Variants in THOC5 observed in about 807,000 individuals in gnomAD.
THOC5 encodes the protein THO complex subunit 5.
Under a neutral mutation model 92.9 loss-of-function variants are expected in THOC5, and 43 were observed. That is an observed-to-expected ratio of 0.46 (90% CI 0.36 to 0.60). THOC5 has a LOEUF of 0.60. THOC5 is among the 20% of genes least tolerant of loss of function. The pLI is 0.00. For synonymous variants in THOC5, 296 were observed against 320.1 expected (o/e 0.92, Z 0.80); for missense variants, 659 against 849.4 (o/e 0.78, Z 2.79).
At chr22:29,514,534 T>C (rs1601384278) in intron 17 of THOC5, among the ~76,000 whole-genome samples, 1 of 151,288 alleles carries the variant, frequency 6.6e-6, no homozygotes, top group South Asian at 2.1e-4. Flanking sequence ...GCCAGGATGG[T>C]CTCCATCTCC....
chr22:29,524,097 C>T (rs2063497375), intron 12 of THOC5, among the ~76,000 whole-genome samples: 1 of 152,180 alleles, frequency 6.6e-6, no homozygotes, highest in South Asian at 2.1e-4. Flanking sequence ...AAGACCTAAT[C>T]CCAGTTTCAC....
At chr22:29,532,576 C>T (rs2063677357) in intron 7 of THOC5, among the ~76,000 whole-genome samples, 2 of 151,770 alleles carry the variant, frequency 1.3e-5, no homozygotes, top group Non-Finnish European at 2.9e-5. Flanking sequence ...GAGGCAGGAG[C>T]ATCACTTGAA....
chr22:29,524,811 T>C (rs901499183), intron 12 of THOC5, among the ~76,000 whole-genome samples: 1 of 151,920 alleles, frequency 6.6e-6, no homozygotes, highest in African/African-American at 2.4e-5. Flanking sequence ...CTGGCAGGGG[T>C]GGAAAGAGCC....
intron 7 of THOC5, 29 bp downstream of exon 7, chr22:29,536,595 A>C (rs747238894): frequency 1.4e-6 from 2 of 1,388,018 alleles, no homozygotes; most frequent in South Asian, 2.3e-5. Flanking sequence ...TCAGTGGTGA[A>C]GGCAAAGCAA....
intron 6 of THOC5, among the ~76,000 whole-genome samples, chr22:29,538,568 TGGGAGG>T (rs2063808298): frequency 1.4e-5 from 2 of 143,602 alleles, no homozygotes; most frequent in Admixed American, 1.4e-4. Context: ...GAGGCCAAGG[TGGGAGG>T]ATCACTTGAA....
intron 5 of THOC5, among the ~76,000 whole-genome samples, chr22:29,540,212 C>T (rs1304996955): frequency 4.6e-5 from 7 of 152,060 alleles, no homozygotes; most frequent in Admixed American, 2.0e-4. Flanking sequence ...GCAGAGGTTG[C>T]GGTGAGCCAG....
chr22:29,512,207 C>A, intron 17 of THOC5, 71 bp from the exon 18 acceptor site: 1 of 1,195,698 alleles, frequency 8.4e-7, no homozygotes, highest in Admixed American at 1.8e-5. Flanking sequence ...AGCCTCCCCA[C>A]TGCACCCCTG....
chr22:29,527,840 G>T (rs1340438621), intron 11 of THOC5, among the ~76,000 whole-genome samples: 1 of 152,188 alleles, frequency 6.6e-6, no homozygotes, highest in Non-Finnish European at 1.5e-5. Flanking sequence ...TTCAGAAAGA[G>T]GTATAGTTTT....
intron 5 of THOC5, among the ~76,000 whole-genome samples, chr22:29,542,024 T>C (rs991569450): frequency 4.0e-5 from 6 of 151,272 alleles, no homozygotes; most frequent in African/African-American, 1.5e-4. Flanking sequence ...GTGAGAACAC[T>C]TCCCCTTCTC....
Position 29,517,084 on chromosome 22 carries a change from C to G in THOC5, c.1626G>C (p.Ala542=). 5.6e-6 allele frequency: 9 copies of G among 1,614,116 alleles called. No individual in the cohort carries two copies. Among genetic ancestry groups the G allele is most frequent in the Non-Finnish European group, 7.6e-6 (9 of 1,180,016 alleles). Reference sequence around the variant, plus strand: ...AGAGATTGGTGTCCCCAGCCAGTCCCGCATCCACAATGTCTTTGGTGAAGT... The same window carrying G: ...AGAGATTGGTGTCCCCAGCCAGTCCGGCATCCACAATGTCTTTGGTGAAGT... The part of the protein sequence containing the change: ...ELHFTKDIVD[A]GLAGDTNLYY... Residue 542 remains alanine (A), a synonymous_variant, in exon 17 of 20, where the codon GCG becomes GCC. Transcript: ENST00000490103.
intron 9 of THOC5, chr22:29,528,850 C>T: frequency 2.0e-6 from 1 of 500,234 alleles, no homozygotes. Flanking sequence ...TGTGCATTAC[C>T]TTATTTAATC....
chr22:29,529,013 C>A (rs951815306), intron 9 of THOC5, 149 bp downstream of exon 9: 1 of 745,930 alleles, frequency 1.3e-6, no homozygotes, highest in African/African-American at 1.7e-5. Flanking sequence ...GGGAAGTGAG[C>A]TCTCTTTCCT....
At chr22:29,529,352 A>C (rs1230218528) in intron 8 of THOC5, 113 bp from the exon 9 acceptor site, 7 of 1,140,798 alleles carry the variant, frequency 6.1e-6, no homozygotes, top group Non-Finnish European at 9.0e-6. Context: ...CTCCTTGCTG[A>C]CTAAGGGTGG....
chr22:29,539,772 C>CT (rs1691224207), intron 5 of THOC5, among the ~76,000 whole-genome samples: 1 of 152,094 alleles, frequency 6.6e-6, no homozygotes, highest in South Asian at 2.1e-4. Context: ...GAACTACTAG[C>CT]TAAAAAGTCA....
At chr22:29,519,817 A>G (rs2063404483) in intron 14 of THOC5, among the ~76,000 whole-genome samples, 191 bp downstream of exon 14, 1 of 151,958 alleles carries the variant, frequency 6.6e-6, no homozygotes, top group Non-Finnish European at 1.5e-5. Context: ...TATTTTTAGT[A>G]GAGATGGGGT....
intron 13 of THOC5, among the ~76,000 whole-genome samples, chr22:29,520,553 C>T (rs933881287): frequency 9.2e-5 from 14 of 152,058 alleles, no homozygotes; most frequent in African/African-American, 3.4e-4. Context: ...TGGAGTACAG[C>T]GACATGACCA....
intron 6 of THOC5, among the ~76,000 whole-genome samples, chr22:29,538,672 C>A (rs2063810114): frequency 6.6e-6 from 1 of 151,690 alleles, no homozygotes. Flanking sequence ...TGGCAGGCAC[C>A]CATAGTCCTG....
chr22:29,549,106 G>C lies in THOC5; in HGVS notation c.42C>G (p.Ile14Met). 1 of 1,614,158 alleles carries C rather than the reference G, an allele frequency of 6.2e-7. No homozygotes were observed. Among genetic ancestry groups the C allele is most frequent in the South Asian group, 1.1e-5 (1 of 91,078 alleles). Residue 14 changes from isoleucine to methionine, a missense_variant, in exon 2 of 20, where the codon ATC becomes ATG. Coordinates refer to ENST00000490103, the MANE Select transcript of THOC5 (RefSeq NM_003678.5). Reference protein sequence around the residue: ...ESSKKRKPKVIRSDGAPAEGK... With the variant: ...ESSKKRKPKVMRSDGAPAEGK... ...CTTCAGCTGGGGCTCCATCGCTTCG[G>C]ATCACTTTGGGCTTCCGTTTTTTGC...
chr22:29,551,815 A>T lies in THOC5; in HGVS notation c.-12+1856T>A, dbSNP rs554877856. On this transcript the variant is annotated intron_variant, in intron 1 of 19. Transcript: ENST00000490103. ...CCCCCTCCCCCCTCCCCCTCTCTCC[A>T]CGGTCTCCCTCTGATGCCGAGCCGA... Among the ~76,000 whole-genome samples the T allele has an allele frequency of 1.6e-4, 9 of 56,320 alleles. No individual in the cohort carries two copies. The East Asian group carries it at 3.1e-3, about 19-fold the overall frequency. The allele number at this position is 56,320 out of a possible 152,430, so 36.9% of individuals were successfully genotyped here.
Sources: allele counts gnomAD v4.1 joint callset (sites outside exome capture counted in the v4.1 genomes callset), GRCh38; gene constraint gnomAD v4.1.1; transcripts MANE v1.5; gene names NCBI Gene and HGNC (gene_info 2026-07-23, HGNC 2026-07-21).